The following AQP6 variants were observed in gnomAD, a reference collection of about 807,000 sequenced individuals.
AQP6 encodes the protein aquaporin 6.
A neutral mutation model predicts 16.3 loss-of-function variants in AQP6; 14 were observed. That is an observed-to-expected ratio of 0.86 (90% CI 0.57 to 1.34). AQP6 has a LOEUF of 1.34. AQP6 is among the 40% of genes most tolerant of loss of function. The pLI is 0.00. For missense variants in AQP6, 331 were observed against 379.7 expected (o/e 0.87, Z 1.07); for synonymous variants, 178 against 166.8 (o/e 1.07, Z -0.52).
chr12:49,975,853 T>G lies in AQP6; in HGVS notation c.*182T>G. Reference sequence around the variant, plus strand: ...AGAATCTGGGAGTGAATTTGTCCCATTCCCTCTCTGTAGGGCTTCCCCACC... The same window carrying G: ...AGAATCTGGGAGTGAATTTGTCCCAGTCCCTCTCTGTAGGGCTTCCCCACC... On this transcript the variant is annotated 3_prime_UTR_variant, in exon 4 of 4. Transcript: ENST00000315520. This position sits in a 1 kb window ranked among gnomAD's most constrained non-coding sequence, Gnocchi z 4.4. The G allele has an allele frequency of 1.3e-6, 1 of 791,870 alleles. No homozygotes were observed. Among genetic ancestry groups the G allele is most frequent in the Non-Finnish European group, 1.8e-6 (1 of 556,228 alleles). The allele number at this position is 791,870 out of a possible 1,614,324, so 49.1% of individuals were successfully genotyped here.
At position 49,976,691 on chromosome 12, in the gene AQP6, G is replaced by T; in HGVS notation, c.*1020G>T. 1 of 410,682 alleles carries T rather than the reference G, an allele frequency of 2.4e-6. No individual in the cohort carries two copies. Among genetic ancestry groups the T allele is most frequent in the East Asian group, 4.0e-5 (1 of 25,062 alleles). 25.4% of individuals were successfully genotyped at this position (410,682 alleles called of 1,614,324 possible). On this transcript the variant is annotated 3_prime_UTR_variant, in exon 4 of 4. Transcript: ENST00000315520. ...AGCCAGACAGGCCTTTCCCAGGGAA[G>T]CCTCCTCCCAGGTGCTTGCCCCAGC...
rs1326613819 is a variant in AQP6 at position 49,975,105 on chromosome 12, G to A, written c.642+279G>A. On this transcript the variant is annotated intron_variant, in intron 3 of 3. Coordinates refer to ENST00000315520, the MANE Select transcript of AQP6 (RefSeq NM_001652.4). This position sits in a 1 kb window ranked among gnomAD's most constrained non-coding sequence, Gnocchi z 4.4. The stretch of plus-strand genomic sequence containing the variant: ...ATTTTCAAACTTGGATAAAGAAAAA[G>A]ACAAACAGAAATAGACACACACACC... The A allele has an allele frequency of 9.9e-6, 13 of 1,319,574 alleles. No homozygotes were observed. Among genetic ancestry groups the A allele is most frequent in the Non-Finnish European group, 1.3e-5 (13 of 1,036,038 alleles). The allele number at this position is 1,319,574 out of a possible 1,614,324, so 81.7% of individuals were successfully genotyped here.
In AQP6 at chr12:49,973,132, G is replaced by A; in HGVS notation, c.-42G>A. On this transcript the variant is annotated 5_prime_UTR_variant, in exon 1 of 4. Coordinates refer to ENST00000315520, the MANE Select transcript of AQP6 (RefSeq NM_001652.4). ...GATCAGAGACCAGAGGAACAGAGAAGAGGCCCCAGAGCAAGGCAAGGAACG... is the reference window on the plus strand; with the variant it reads ...GATCAGAGACCAGAGGAACAGAGAAAAGGCCCCAGAGCAAGGCAAGGAACG... The A allele has an allele frequency of 2.6e-6, 4 of 1,555,280 alleles. No homozygotes were observed. The highest frequency in any genetic ancestry group is 3.5e-6 in the Non-Finnish European group (4 of 1,150,712).
Position 49,976,341 on chromosome 12 carries a change from T to C in AQP6, c.*670T>C, listed in dbSNP as rs940989922. The C allele has an allele frequency of 7.2e-5, 11 of 152,578 alleles. No homozygotes were observed. Among genetic ancestry groups the C allele is most frequent in the Non-Finnish European group, 4.4e-5 (3 of 68,400 alleles). The allele number at this position is 152,578 out of a possible 1,614,324, so 9.5% of individuals were successfully genotyped here. On this transcript the variant is annotated 3_prime_UTR_variant, in exon 4 of 4. Transcript: ENST00000315520. ...CCTCTACCTCCTGGGTTCAAGGGAT[T>C]CTCCTGCCTCAGCCTCCCAAGTAGC... is the stretch of plus-strand genomic sequence containing the variant.
chr12:49,975,467 C>T lies in AQP6; in HGVS notation c.645C>T (p.Val215=). ...GGTGACGACATCCTTCTCCTCAGGT[C>T]TTCTGGGTGGGGCCCCTGATGGGAG... ...IIIGKFTVHW[V]FWVGPLMGAL... Residue 215 remains valine (V), a splice_region_variant and synonymous_variant, in exon 4 of 4, where the codon GTC becomes GTT. Coordinates refer to ENST00000315520, the MANE Select transcript of AQP6 (RefSeq NM_001652.4). The surrounding 1 kb of genome is among the most constrained non-coding windows in gnomAD (Gnocchi z 4.4). The T allele has an allele frequency of 6.3e-7, 1 of 1,596,660 alleles. No individual in the cohort carries two copies. Among genetic ancestry groups the T allele is most frequent in the Non-Finnish European group, 8.5e-7 (1 of 1,173,712 alleles).
At position 49,976,969 on chromosome 12, in the gene AQP6, G is replaced by C. The variant is rs553632979; in HGVS notation, c.*1298G>C. 1 of 702,184 alleles carries C rather than the reference G, an allele frequency of 1.4e-6. No homozygotes were observed. The highest frequency in any genetic ancestry group is 2.6e-6 in the Non-Finnish European group (1 of 384,800). 43.5% of individuals were successfully genotyped at this position (702,184 alleles called of 1,614,324 possible). A position where few individuals can be genotyped will look rare whatever the true frequency, so the allele number is the denominator to read the frequency against. ...GTTGGTTTAATAGTTAAAAGCTGCT[G>C]TAGATTTATTCTGCCCACAACTTGG... On this transcript the variant is annotated 3_prime_UTR_variant, in exon 4 of 4. Coordinates refer to ENST00000315520, the MANE Select transcript of AQP6 (RefSeq NM_001652.4).
chr12:49,974,780 G>T lies in AQP6; in HGVS notation c.596G>T (p.Arg199Leu). ...ACTGGCTGCTCCATGAATCCAGCCC[G>T]CTCCTTCGGCCCTGCCATCATCATT... Reference protein sequence around the residue: ...HFTGCSMNPARSFGPAIIIGK... With the variant: ...HFTGCSMNPALSFGPAIIIGK... The change falls in exon 3 of 4, where the codon CGC (arginine) becomes CTC (leucine). Residue 199 changes from arginine (R) to leucine (L), a missense_variant. Transcript: ENST00000315520. 6.2e-7 allele frequency: 1 copy of T among 1,614,204 alleles called. No homozygotes were observed.
In AQP6 at chr12:49,974,959, G is replaced by A. The variant is rs142971657; in HGVS notation, c.642+133G>A. On this transcript the variant is annotated intron_variant, in intron 3 of 3. Transcript: ENST00000315520. Reference sequence around the variant, plus strand: ...CTTGGCTGAGACTTCCTTTCTTTTCGGCTTCAGTTGCCCAGGATACCCAGT... The same window carrying A: ...CTTGGCTGAGACTTCCTTTCTTTTCAGCTTCAGTTGCCCAGGATACCCAGT... The A allele has an allele frequency of 2.9e-4, 421 of 1,449,398 alleles. No individual in the cohort carries two copies. In the African/African-American group the frequency reaches 5.6e-3, roughly 19 times the overall value. 89.8% of individuals were successfully genotyped at this position (1,449,398 alleles called of 1,614,324 possible).
intron 1 of AQP6, chr12:49,973,781 G>A (rs1947549152): frequency 9.2e-7 from 1 of 1,092,762 alleles, no homozygotes; most frequent in Non-Finnish European, 1.3e-6. Context: ...GTGGCGCGAA[G>A]AACAGGTGGA....
rs981253890 is a variant in AQP6 at position 49,975,682 on chromosome 12, G to T, written c.*11G>T. 1.3e-6 allele frequency: 2 copies of T among 1,518,304 alleles called. No individual in the cohort carries two copies. The highest frequency in any genetic ancestry group is 1.3e-5 in the South Asian group (1 of 75,778). 94.1% of individuals were successfully genotyped at this position (1,518,304 alleles called of 1,614,324 possible). On this transcript the variant is annotated 3_prime_UTR_variant, in exon 4 of 4. Transcript: ENST00000315520. This position sits in a 1 kb window ranked among gnomAD's most constrained non-coding sequence, Gnocchi z 4.4. ...ATGGAGAGTGTGTGAAACAGCCTAC[G>T]CCTGGCCGCGCCCTTGGGCTTCCTG...
rs562686308 is a variant in AQP6 at position 49,974,276 on chromosome 12, T to C, written c.403-48T>C. 5 of 1,483,898 alleles carry C rather than the reference T, an allele frequency of 3.4e-6. No individual in the cohort carries two copies. In the African/African-American group the frequency reaches 7.0e-5, roughly 21 times the overall value. 91.9% of individuals were successfully genotyped at this position (1,483,898 alleles called of 1,614,324 possible). On this transcript the variant is annotated intron_variant, in intron 1 of 3. Transcript: ENST00000315520. ...CCAGTGGCAGGGGTTTCTCTGTCTG[T>C]CCGTGGGCAGAGCCCGCGTCTGGTC... is the stretch of plus-strand genomic sequence containing the variant.
rs1947540542 is a variant in AQP6 at position 49,973,128 on chromosome 12, A to G, written c.-46A>G. ...AGGAGATCAGAGACCAGAGGAACAGAGAAGAGGCCCCAGAGCAAGGCAAGG... is the reference window on the plus strand; with the variant it reads ...AGGAGATCAGAGACCAGAGGAACAGGGAAGAGGCCCCAGAGCAAGGCAAGG... On this transcript the variant is annotated 5_prime_UTR_variant, in exon 1 of 4. Transcript: ENST00000315520. 1 of 1,550,690 alleles carries G rather than the reference A, an allele frequency of 6.4e-7. No individual in the cohort carries two copies. Among genetic ancestry groups the G allele is most frequent in the Non-Finnish European group, 8.7e-7 (1 of 1,148,790 alleles).
intron 1 of AQP6, 171 bp from the exon 2 acceptor site, chr12:49,974,153 G>A (rs539383877): frequency 3.8e-6 from 5 of 1,311,884 alleles, no homozygotes; most frequent in East Asian, 2.8e-5. Flanking sequence ...AGGGAGCAAG[G>A]GTCCAGAGCA....
At position 49,975,951 on chromosome 12, in the gene AQP6, G is replaced by A. The variant is rs932902241; in HGVS notation, c.*280G>A. ...CCCATCCTCTCACCCACTGGACCCCGTAGGAGTCCTGACCCCAGATGCCCA... is the reference window on the plus strand; with the variant it reads ...CCCATCCTCTCACCCACTGGACCCCATAGGAGTCCTGACCCCAGATGCCCA... On this transcript the variant is annotated 3_prime_UTR_variant, in exon 4 of 4. Transcript: ENST00000315520. This position sits in a 1 kb window ranked among gnomAD's most constrained non-coding sequence, Gnocchi z 4.4. The A allele has an allele frequency of 2.6e-5, 8 of 304,914 alleles. No individual in the cohort carries two copies. The highest frequency in any genetic ancestry group is 6.5e-5 in the African/African-American group (3 of 46,470). The allele number at this position is 304,914 out of a possible 1,614,324, so 18.9% of individuals were successfully genotyped here.
rs1162951475 is a variant in AQP6 at position 49,973,287 on chromosome 12, G to A, written c.114G>A (p.Val38=). 6.2e-7 allele frequency: 1 copy of A among 1,613,838 alleles called. No homozygotes were observed. The highest frequency in any genetic ancestry group is 1.1e-5 in the South Asian group (1 of 91,088). The change falls in exon 1 of 4, where the codon GTG becomes GTA. Residue 38 remains valine (V), a synonymous_variant. Coordinates refer to ENST00000315520, the MANE Select transcript of AQP6 (RefSeq NM_001652.4). ...FAEFLATGLY[V]FFGVGSVMRW... is the part of the protein sequence containing the mutation. ...AGTTCCTGGCCACGGGGCTGTATGTGTTCTTTGGCGTGGGCTCAGTCATGC... is the reference window on the plus strand; with the variant it reads ...AGTTCCTGGCCACGGGGCTGTATGTATTCTTTGGCGTGGGCTCAGTCATGC...
rs749272773 is a variant in AQP6 at position 49,975,400 on chromosome 12, C to T, written c.643-65C>T. 6.3e-5 allele frequency: 95 copies of T among 1,512,976 alleles called. 1 individual carries two copies. The highest frequency in any genetic ancestry group is 8.0e-5 in the Non-Finnish European group (91 of 1,134,370). 93.7% of individuals were successfully genotyped at this position (1,512,976 alleles called of 1,614,324 possible). A position where few individuals can be genotyped will look rare whatever the true frequency, so the allele number is the denominator to read the frequency against. On this transcript the variant is annotated intron_variant, in intron 3 of 3. Transcript: ENST00000315520. This position sits in a 1 kb window ranked among gnomAD's most constrained non-coding sequence, Gnocchi z 4.4. ...AAGTCGGCACTGGGGAAGCAGGCAG[C>T]GGTCCCAGAGCCACCCTGTGGTCCT...
chr12:49,974,469 G>A lies in AQP6; in HGVS notation c.548G>A (p.Gly183Asp), dbSNP rs1947556127. Residue 183 changes from glycine (G) to aspartate (D), a missense_variant, in exon 2 of 4, where the codon GGC (glycine) becomes GAC (aspartate). Physicochemically the swap from Gly to Asp is moderately conservative, Grantham distance 94 (BLOSUM62 -1). Coordinates refer to ENST00000315520, the MANE Select transcript of AQP6 (RefSeq NM_001652.4). ...ATMIGISVAL[G>D]HLIGIHFTGC... The stretch of plus-strand genomic sequence containing the variant: ...ATGATTGGGATCTCTGTGGCACTGG[G>A]CCACCTCATTGGGGTAAGGAACAGA... 1.9e-6 allele frequency: 3 copies of A among 1,609,208 alleles called. No individual in the cohort carries two copies. Among genetic ancestry groups the A allele is most frequent in the Non-Finnish European group, 2.5e-6 (3 of 1,177,342 alleles).
rs1319843722 is a variant in AQP6, at chr12:49,976,046, C to G, written c.*375C>G. On this transcript the variant is annotated 3_prime_UTR_variant, in exon 4 of 4. Coordinates refer to ENST00000315520, the MANE Select transcript of AQP6 (RefSeq NM_001652.4). Reference sequence around the variant, plus strand: ...TTAGACATGGGAGCTATAGGGACCTCAGGGAGCCCCAGCTTCTTACCCACC... The same window carrying G: ...TTAGACATGGGAGCTATAGGGACCTGAGGGAGCCCCAGCTTCTTACCCACC... 6.0e-6 allele frequency: 1 copy of G among 166,190 alleles called. No individual in the cohort carries two copies. The highest frequency in any genetic ancestry group is 2.4e-5 in the African/African-American group (1 of 41,930). 10.3% of individuals were successfully genotyped at this position (166,190 alleles called of 1,614,324 possible).
chr12:49,973,943 G>T, intron 1 of AQP6: 1 of 1,169,820 alleles, frequency 8.5e-7, no homozygotes. Context: ...TCTGCTCTCC[G>T]ACTGTTCCCA....
Sources: gnomAD v4.1 joint callset for allele counts on GRCh38, gnomAD v4.1.1 for gene constraint, Gnocchi (gnomAD v3.1) non-coding constraint, MANE v1.5 for transcripts, NCBI Gene and HGNC (gene_info 2026-07-23, HGNC 2026-07-21) for gene names.